The following ROBO1 variants were observed in gnomAD, a reference collection of about 807,000 sequenced individuals.
ROBO1 encodes roundabout homolog 1.
A neutral mutation model predicts 195.9 loss-of-function variants in ROBO1; 149 were observed. The observed-to-expected ratio is 0.76, with a 90% CI of 0.67 to 0.87. The LOEUF (loss-of-function observed/expected upper bound fraction) is 0.87. Among genes scored for constraint, ROBO1 ranks in the 40% least tolerant of loss-of-function variants. The pLI, the probability that ROBO1 is intolerant of heterozygous loss-of-function variation, is 0.00. For missense variants in ROBO1, 1,933 were observed against 2,068.3 expected (o/e 0.93, Z 1.27); for synonymous variants, 816 against 733.2 (o/e 1.11, Z -1.82).
At chr3:79,724,609 A>G (rs1702838237) in intron 1 of ROBO1, among the ~76,000 whole-genome samples, 1 of 152,204 alleles carries the variant, frequency 6.6e-6, no homozygotes, top group Non-Finnish European at 1.5e-5. Context: ...CCTCTGGCCA[A>G]CAGCTGGCAA....
chr3:79,686,548 A>G (rs1947119876), intron 1 of ROBO1, among the ~76,000 whole-genome samples: 1 of 152,186 alleles, frequency 6.6e-6, no homozygotes, highest in Admixed American at 6.5e-5. Flanking sequence ...TCAATGTACA[A>G]AAATCACAAG....
At chr3:78,618,912 G>A (rs1206673671) in intron 26 of ROBO1, among the ~76,000 whole-genome samples, 4 of 152,072 alleles carry the variant, frequency 2.6e-5, no homozygotes, top group African/African-American at 7.2e-5. Context: ...CACCACTAGG[G>A]CTATGATCCA....
intron 1 of ROBO1, among the ~76,000 whole-genome samples, chr3:79,696,891 C>T (rs114607678): frequency 0.021 from 3,105 of 151,324 alleles, 114 homozygotes; most frequent in African/African-American, 0.072. Flanking sequence ...TTTTCTTTTG[C>T]CTTCTTTTCA....
At chr3:79,312,836 T>G (rs1460721954) in intron 2 of ROBO1, among the ~76,000 whole-genome samples, 8 of 152,166 alleles carry the variant, frequency 5.3e-5, no homozygotes, top group Admixed American at 5.2e-4. Context: ...GCCCTTAAGT[T>G]TTACCCTTTT....
At chr3:79,538,771 C>A (rs1429843368) in intron 2 of ROBO1, among the ~76,000 whole-genome samples, 2 of 152,094 alleles carry the variant, frequency 1.3e-5, no homozygotes, top group Admixed American at 6.6e-5. Flanking sequence ...GCTAAAAAAT[C>A]TTGCATCTCT....
In ROBO1 at chr3:78,684,408, T is replaced by C. The variant is rs539067189; in HGVS notation, c.1342+1338A>G. ...GGCTTGTTGACTAGAAGAGAGTCAATGGAAGCCTTCTATGGTCTTGGAAAT... is the reference window on the plus strand; with the variant it reads ...GGCTTGTTGACTAGAAGAGAGTCAACGGAAGCCTTCTATGGTCTTGGAAAT... On this transcript the variant is annotated intron_variant, in intron 10 of 30. Coordinates refer to ENST00000464233, the MANE Select transcript of ROBO1 (RefSeq NM_002941.4). 1.6e-4 allele frequency among the ~76,000 whole-genome samples: 24 copies of C among 152,274 alleles called. No individual in the cohort carries two copies. The South Asian group carries it at 3.7e-3, about 24-fold the overall frequency.
At chr3:79,614,521 T>G (rs1944760670) in intron 1 of ROBO1, among the ~76,000 whole-genome samples, 1 of 152,230 alleles carries the variant, frequency 6.6e-6, no homozygotes, top group East Asian at 1.9e-4. Flanking sequence ...CGATGCCTCA[T>G]GATATTTGGT....
At chr3:79,579,822 A>T (rs981209907) in intron 2 of ROBO1, among the ~76,000 whole-genome samples, 2 of 152,158 alleles carry the variant, frequency 1.3e-5, no homozygotes, top group Non-Finnish European at 2.9e-5. Context: ...ATAGGAAAAA[A>T]GTGATTAGAG....
chr3:79,476,693 A>G (rs1168971601), intron 2 of ROBO1, among the ~76,000 whole-genome samples: 2 of 152,106 alleles, frequency 1.3e-5, no homozygotes, highest in African/African-American at 2.4e-5. Flanking sequence ...GTTCTCACTC[A>G]TAAGTGGAAG....
At chr3:79,413,815 A>G (rs1240939540) in intron 2 of ROBO1, among the ~76,000 whole-genome samples, 1 of 152,116 alleles carries the variant, frequency 6.6e-6, no homozygotes, top group Non-Finnish European at 1.5e-5. Flanking sequence ...AGAATTTTTT[A>G]TCTGCCAGGA....
At chr3:78,655,275 C>G (rs528702329) in intron 18 of ROBO1, among the ~76,000 whole-genome samples, 1 of 152,226 alleles carries the variant, frequency 6.6e-6, no homozygotes, top group Admixed American at 6.5e-5. Context: ...GAATGGGACT[C>G]TCATATAATA....
Position 79,632,906 on chromosome 3 carries a change from A to G in ROBO1, c.-50-42945T>C, listed in dbSNP as rs186616660. 3.3e-4 allele frequency among the ~76,000 whole-genome samples: 50 copies of G among 152,260 alleles called. 1 individual carries two copies. In the East Asian group the frequency reaches 8.9e-3, roughly 27 times the overall value. Reference sequence around the variant, plus strand: ...ATTAAGGGTTTTTAATCCTAAATGAAGAGCTCTTCCAGTGCAGTAATAAGA... The same window carrying G: ...ATTAAGGGTTTTTAATCCTAAATGAGGAGCTCTTCCAGTGCAGTAATAAGA... On this transcript the variant is annotated intron_variant, in intron 1 of 30. Transcript: ENST00000464233.
intron 2 of ROBO1, among the ~76,000 whole-genome samples, chr3:79,246,801 T>C (rs1460395761): frequency 6.6e-6 from 1 of 152,040 alleles, no homozygotes; most frequent in East Asian, 1.9e-4. Flanking sequence ...AGAACCTACA[T>C]GGTTCTAGGG....
At chr3:78,664,457 C>A (rs1209947528) in intron 14 of ROBO1, among the ~76,000 whole-genome samples, 2 of 152,174 alleles carry the variant, frequency 1.3e-5, no homozygotes, top group Non-Finnish European at 2.9e-5. Flanking sequence ...ATGGTAACAA[C>A]AGCCGCACCT....
intron 2 of ROBO1, among the ~76,000 whole-genome samples, chr3:79,404,023 G>T (rs1575778966): frequency 6.6e-6 from 1 of 152,032 alleles, no homozygotes. Flanking sequence ...AGTTGCTGTT[G>T]CTTTTCACTG....
At chr3:79,503,440 C>T (rs773892747) in intron 2 of ROBO1, among the ~76,000 whole-genome samples, 1 of 152,174 alleles carries the variant, frequency 6.6e-6, no homozygotes, top group Non-Finnish European at 1.5e-5. Flanking sequence ...GTCAGTGAGA[C>T]CAAGAACCTA....
At chr3:79,094,751 G>A (rs1164507616) in intron 3 of ROBO1, among the ~76,000 whole-genome samples, 1 of 152,028 alleles carries the variant, frequency 6.6e-6, no homozygotes, top group African/African-American at 2.4e-5. Flanking sequence ...GTGAGGGGGT[G>A]TGGCTGAGGG....
chr3:78,641,829 T>C (rs949266142), intron 21 of ROBO1, among the ~76,000 whole-genome samples: 13 of 152,216 alleles, frequency 8.5e-5, no homozygotes, highest in Non-Finnish European at 2.9e-5. Context: ...GATATCATCA[T>C]AGGCTGAGAG....
At chr3:79,218,039 A>C (rs976996060) in intron 2 of ROBO1, among the ~76,000 whole-genome samples, 1 of 151,878 alleles carries the variant, frequency 6.6e-6, no homozygotes, top group Admixed American at 6.6e-5. Context: ...ATATTTTAGA[A>C]GATTATATAA....
Sources: allele counts gnomAD v4.1 joint callset (sites outside exome capture counted in the v4.1 genomes callset), GRCh38; gene constraint gnomAD v4.1.1; transcripts MANE v1.5; gene names NCBI Gene and HGNC (gene_info 2026-07-23, HGNC 2026-07-21).